The following SLC24A3 variants were observed in gnomAD, a reference collection of about 807,000 sequenced individuals.
The protein encoded by SLC24A3 is sodium/potassium/calcium exchanger 3.
Under a neutral mutation model 75.8 loss-of-function variants are expected in SLC24A3, and 28 were observed. The observed-to-expected ratio is 0.37, with a 90% CI of 0.27 to 0.51. The LOEUF is 0.51. Ranked by LOEUF, SLC24A3 falls within the 20% of genes least tolerant of loss-of-function variation. The pLI, the probability that SLC24A3 is intolerant of heterozygous loss-of-function variation, is 0.94. For synonymous variants in SLC24A3, 372 were observed against 334.1 expected (o/e 1.11, Z -1.24); for missense variants, 663 against 847.8 (o/e 0.78, Z 2.71).
chr20:19,330,755 G>A (rs1984979335), intron 2 of SLC24A3, among the ~76,000 whole-genome samples: 1 of 152,172 alleles, frequency 6.6e-6, no homozygotes, highest in Non-Finnish European at 1.5e-5. Flanking sequence ...TTTTGATGAG[G>A]ATATTTGCAT....
intron 3 of SLC24A3, among the ~76,000 whole-genome samples, chr20:19,537,449 C>G (rs1458596543): frequency 6.6e-6 from 1 of 152,160 alleles, no homozygotes; most frequent in Non-Finnish European, 1.5e-5. Flanking sequence ...CTAGTTCAAC[C>G]ATTGTGGAAG....
At chr20:19,568,781 G>T (rs2031002496) in intron 3 of SLC24A3, among the ~76,000 whole-genome samples, 1 of 152,088 alleles carries the variant, frequency 6.6e-6, no homozygotes, top group Non-Finnish European at 1.5e-5. Flanking sequence ...AATAAAAATA[G>T]TTTAAAACAT....
rs145969228 is a variant in SLC24A3, at chr20:19,709,838, T to C, written c.1720-7690T>C. On this transcript the variant is annotated intron_variant, in intron 15 of 16. Coordinates refer to ENST00000328041, the MANE Select transcript of SLC24A3 (RefSeq NM_020689.4). The stretch of plus-strand genomic sequence containing the variant: ...TTAACCTCTCTGAGCCTCAGTTGTC[T>C]CATCTTTCAAATGGGGAGAACAAAA... Among the ~76,000 whole-genome samples, 199 of 152,316 alleles carry C rather than the reference T, an allele frequency of 1.3e-3. 1 individual carries two copies. The highest frequency in any genetic ancestry group is 4.4e-3 in the African/African-American group (183 of 41,560).
At chr20:19,376,314 G>A (rs140896890) in intron 2 of SLC24A3, among the ~76,000 whole-genome samples, 46 of 152,322 alleles carry the variant, frequency 3.0e-4, no homozygotes, top group African/African-American at 7.7e-4. Context: ...CCCAAAGAGT[G>A]AAAGGACAAA....
chr20:19,589,065 T>A (rs1385345928), intron 6 of SLC24A3, among the ~76,000 whole-genome samples: 2 of 152,226 alleles, frequency 1.3e-5, no homozygotes, highest in African/African-American at 4.8e-5. Flanking sequence ...ACCCAAAGAT[T>A]GCACCTCTGA....
chr20:19,627,070 T>C (rs774740881), intron 6 of SLC24A3, among the ~76,000 whole-genome samples: 2 of 152,216 alleles, frequency 1.3e-5, no homozygotes, highest in African/African-American at 4.8e-5. Flanking sequence ...TTAGAGCGTA[T>C]CAGATTCTCT....
chr20:19,589,884 T>A (rs1026741021), intron 6 of SLC24A3, among the ~76,000 whole-genome samples: 2 of 152,144 alleles, frequency 1.3e-5, no homozygotes, highest in African/African-American at 2.4e-5. Flanking sequence ...TGTCTGGTAG[T>A]TAAGACTGAA....
chr20:19,279,998 GGA>G (rs1983611725), intron 1 of SLC24A3, among the ~76,000 whole-genome samples: 2 of 152,226 alleles, frequency 1.3e-5, no homozygotes, highest in Non-Finnish European at 2.9e-5. Flanking sequence ...TCTGGGTCAA[GGA>G]GAAATGCTTT....
At chr20:19,299,638 G>A (rs1222488282) in intron 2 of SLC24A3, among the ~76,000 whole-genome samples, 2 of 152,150 alleles carry the variant, frequency 1.3e-5, no homozygotes, top group Non-Finnish European at 2.9e-5. Flanking sequence ...TGTTGCTGGG[G>A]CCTGGGGCCT....
intron 3 of SLC24A3, among the ~76,000 whole-genome samples, chr20:19,557,905 G>A (rs1280414233): frequency 6.6e-6 from 1 of 152,188 alleles, no homozygotes; most frequent in African/African-American, 2.4e-5. Context: ...TTCCATAGTT[G>A]TTAGCAATAA....
intron 2 of SLC24A3, among the ~76,000 whole-genome samples, chr20:19,333,274 T>A (rs933123103): frequency 6.6e-6 from 1 of 152,204 alleles, no homozygotes; most frequent in African/African-American, 2.4e-5. Flanking sequence ...TTCAGTTGGT[T>A]ATGAAGAGTG....
chr20:19,236,230 A>G (rs968753623), intron 1 of SLC24A3, among the ~76,000 whole-genome samples: 1 of 152,196 alleles, frequency 6.6e-6, no homozygotes, highest in South Asian at 2.1e-4. Context: ...GGGCATGTAC[A>G]GTCAAAAGAC....
intron 2 of SLC24A3, among the ~76,000 whole-genome samples, chr20:19,352,984 A>G (rs1985603980): frequency 6.6e-6 from 1 of 152,226 alleles, no homozygotes; most frequent in Non-Finnish European, 1.5e-5. Context: ...ATGTTGAGAT[A>G]CACTTAGATA....
intron 2 of SLC24A3, among the ~76,000 whole-genome samples, chr20:19,482,858 A>G (rs1988078487): frequency 1.3e-5 from 2 of 152,200 alleles, no homozygotes; most frequent in South Asian, 2.1e-4. Flanking sequence ...GGTTCAGTCA[A>G]TAGGAGGCTC....
intron 2 of SLC24A3, among the ~76,000 whole-genome samples, chr20:19,297,453 T>C (rs58650679): frequency 0.02 from 3,067 of 152,280 alleles, 42 homozygotes; most frequent in African/African-American, 0.031. Context: ...TACAACTACT[T>C]TTCTGATATC....
At chr20:19,515,367 G>A in intron 2 of SLC24A3, 121 bp from the exon 3 acceptor site, 1 of 958,896 alleles carries the variant, frequency 1.0e-6, no homozygotes, top group South Asian at 1.5e-5. Flanking sequence ...TGAACTTAAA[G>A]ATTCAGGATC....
At chr20:19,340,013 G>A (rs1183555310) in intron 2 of SLC24A3, among the ~76,000 whole-genome samples, 1 of 152,154 alleles carries the variant, frequency 6.6e-6, no homozygotes, top group Non-Finnish European at 1.5e-5. Flanking sequence ...TGGGGCATGT[G>A]GGGGATCCAA....
intron 6 of SLC24A3, among the ~76,000 whole-genome samples, chr20:19,589,156 TC>T (rs2031339003): frequency 2.0e-5 from 3 of 152,174 alleles, no homozygotes; most frequent in African/African-American, 7.2e-5. Flanking sequence ...TGAAAGGTGA[TC>T]CCAGGAAGTG....
At chr20:19,564,980 G>T (rs1311474159) in intron 3 of SLC24A3, among the ~76,000 whole-genome samples, 1 of 152,120 alleles carries the variant, frequency 6.6e-6, no homozygotes, top group Non-Finnish European at 1.5e-5. Context: ...GCTAATTTTT[G>T]TGTTCAGTAG....
Sources: allele counts gnomAD v4.1 joint callset (sites outside exome capture counted in the v4.1 genomes callset), GRCh38; gene constraint gnomAD v4.1.1; transcripts MANE v1.5; gene names NCBI Gene and HGNC (gene_info 2026-07-23, HGNC 2026-07-21).